SNTG2: variants seen among roughly 807,000 people sequenced by gnomAD.
SNTG2 encodes syntrophin gamma 2, also known as gamma-2-syntrophin.
In SNTG2, 74 loss-of-function variants were observed where a neutral mutation model predicts 70.9. The ratio of observed to expected loss-of-function variants is 1.04; its 90% CI spans 0.86 to 1.27. The LOEUF is 1.27. Ranked by LOEUF, SNTG2 falls within the 50% of genes most tolerant of loss-of-function variation. The pLI, the probability that SNTG2 is intolerant of heterozygous loss-of-function variation, is 0.00. For missense variants in SNTG2, 717 were observed against 690.7 expected, an observed-to-expected ratio of 1.04 and a Z score of -0.43; for synonymous variants, 278 against 273.8, an observed-to-expected ratio of 1.02 and a Z score of -0.15.
At chr2:1,218,552 C>T (rs1207069022) in intron 9 of SNTG2, among the ~76,000 whole-genome samples, 1 of 152,204 alleles carries the variant, frequency 6.6e-6, no homozygotes, top group East Asian at 1.9e-4. Flanking sequence ...CAGGCTCCTG[C>T]CCATAGCATG....
intron 8 of SNTG2, among the ~76,000 whole-genome samples, chr2:1,174,708 TA>T (rs1213680449): frequency 6.6e-6 from 1 of 152,212 alleles, no homozygotes; most frequent in Admixed American, 6.5e-5. Context: ...ATTTTTGACT[TA>T]ATATTTGAAG....
intron 1 of SNTG2, among the ~76,000 whole-genome samples, chr2:1,031,528 A>ATATATATATATATTTTTTTTTTTTTTT: frequency 5.1e-5 from 3 of 59,118 alleles, no homozygotes; most frequent in Admixed American, 2.1e-4. Context: ...ATATATATAT[A>ATATATATATATATTTTTTTTTTTTTTT]TTTTTTTTTT....
At chr2:1,180,741 T>C (rs1293653165) in intron 8 of SNTG2, among the ~76,000 whole-genome samples, 6 of 151,612 alleles carry the variant, frequency 4.0e-5, no homozygotes, top group Non-Finnish European at 5.9e-5. Flanking sequence ...GGATTATAAA[T>C]CATGCTGCTA....
intron 7 of SNTG2, among the ~76,000 whole-genome samples, chr2:1,168,594 T>C (rs1670912090): frequency 6.6e-6 from 1 of 152,264 alleles, no homozygotes; most frequent in African/African-American, 2.4e-5. Flanking sequence ...TCTGCTTTCA[T>C]CTTCCTGAGC....
chr2:1,012,555 C>A (rs537331946), intron 1 of SNTG2, among the ~76,000 whole-genome samples: 4 of 146,786 alleles, frequency 2.7e-5, no homozygotes, highest in African/African-American at 9.8e-5. Flanking sequence ...TTTATATGGG[C>A]AGAGAGAAGG....
chr2:1,020,259 G>A (rs993539199), intron 1 of SNTG2, among the ~76,000 whole-genome samples: 1 of 152,242 alleles, frequency 6.6e-6, no homozygotes, highest in African/African-American at 2.4e-5. Flanking sequence ...GCAATGCCCA[G>A]CAGGTGAATG....
chr2:1,176,557 G>A (rs1308779773), intron 8 of SNTG2, among the ~76,000 whole-genome samples: 1 of 151,936 alleles, frequency 6.6e-6, no homozygotes, highest in Non-Finnish European at 1.5e-5. Context: ...GAGTGAACAG[G>A]CAAGTTACAA....
intron 1 of SNTG2, among the ~76,000 whole-genome samples, chr2:1,031,567 A>C (rs1195134146): frequency 1.3e-4 from 13 of 100,622 alleles, no homozygotes; most frequent in Non-Finnish European, 2.4e-4. Flanking sequence ...ATCTCACTCC[A>C]TTGCCCAGGC....
intron 4 of SNTG2, among the ~76,000 whole-genome samples, chr2:1,136,238 T>C (rs1668374704): frequency 6.6e-6 from 1 of 152,006 alleles, no homozygotes. Context: ...AATACATGTT[T>C]TCAGGATGCA....
intron 1 of SNTG2, among the ~76,000 whole-genome samples, chr2:968,143 T>G (rs948261333): frequency 1.9e-5 from 1 of 52,664 alleles, no homozygotes; most frequent in Non-Finnish European, 4.0e-5. Context: ...ATTTCAAGCG[T>G]TTTTTTTTAA....
intron 1 of SNTG2, among the ~76,000 whole-genome samples, chr2:1,036,061 T>G (rs1661111106): frequency 6.6e-6 from 1 of 152,230 alleles, no homozygotes; most frequent in Admixed American, 6.5e-5. Flanking sequence ...TTTTGCCATC[T>G]GTTAATAGGC....
chr2:1,347,413 A>G (rs1189375282), intron 16 of SNTG2, among the ~76,000 whole-genome samples: 2 of 152,282 alleles, frequency 1.3e-5, no homozygotes, highest in South Asian at 2.1e-4. Flanking sequence ...GCTGACCCTC[A>G]CCAGCCCTGC....
chr2:1,264,783 A>G (rs1678633158), intron 13 of SNTG2, among the ~76,000 whole-genome samples: 1 of 152,142 alleles, frequency 6.6e-6, no homozygotes, highest in Admixed American at 6.5e-5. Flanking sequence ...CTGGTCTTAA[A>G]TTCCTGGGCT....
At chr2:1,089,829 A>T (rs1664907065) in intron 2 of SNTG2, among the ~76,000 whole-genome samples, 1 of 152,226 alleles carries the variant, frequency 6.6e-6, no homozygotes, top group African/African-American at 2.4e-5. Flanking sequence ...AACCTAAAAA[A>T]ATTGAAGTGA....
chr2:1,306,052 C>T lies in SNTG2; in HGVS notation c.1285-2442C>T, dbSNP rs184812106. On this transcript the variant is annotated intron_variant, in intron 14 of 16. Transcript: ENST00000308624. ...TCTAGAGATTGAGTAGCTTTCAAAC[C>T]TGAGCTGTGAGAATGTCACCTCCTG... is the stretch of plus-strand genomic sequence containing the variant. Among the ~76,000 whole-genome samples, 905 of 152,268 alleles carry T rather than the reference C, an allele frequency of 5.9e-3. 12 individuals carry two copies. The highest frequency in any genetic ancestry group is 0.02 in the African/African-American group (850 of 41,548).
chr2:1,227,173 T>G (rs1469323907), intron 9 of SNTG2, among the ~76,000 whole-genome samples: 1 of 152,280 alleles, frequency 6.6e-6, no homozygotes, highest in Non-Finnish European at 1.5e-5. Context: ...CTAAGTTAAT[T>G]CTGCATTTGC....
intron 1 of SNTG2, among the ~76,000 whole-genome samples, chr2:955,697 T>C (rs1660117612): frequency 6.6e-6 from 1 of 152,226 alleles, no homozygotes; most frequent in Non-Finnish European, 1.5e-5. Context: ...TCAGATTCCA[T>C]GGAAGAATGT....
At chr2:1,312,345 G>C (rs746573032) in intron 15 of SNTG2, among the ~76,000 whole-genome samples, 1 of 152,186 alleles carries the variant, frequency 6.6e-6, no homozygotes, top group Non-Finnish European at 1.5e-5. Context: ...GCCTCTGGAC[G>C]ATGTCCACAT....
At chr2:1,285,272 T>C (rs1679720408) in intron 14 of SNTG2, among the ~76,000 whole-genome samples, 1 of 152,148 alleles carries the variant, frequency 6.6e-6, no homozygotes, top group Admixed American at 6.5e-5. Flanking sequence ...CAAATGTTAA[T>C]CTCCTTTGCC....
Sources: gnomAD v4.1 joint callset for allele counts (sites outside exome capture counted in the v4.1 genomes callset) on GRCh38, gnomAD v4.1.1 for gene constraint, MANE v1.5 for transcripts, NCBI Gene and HGNC (gene_info 2026-07-23, HGNC 2026-07-21) for gene names.